The following AP3B1 variants were observed in gnomAD, a reference collection of about 807,000 sequenced individuals.
The protein encoded by AP3B1 is AP-3 complex subunit beta-1.
AP3B1 carries 61 observed loss-of-function variants against 132.5 expected under a neutral mutation model. The ratio of observed to expected loss-of-function variants is 0.46; its 90% CI spans 0.37 to 0.57. The LOEUF (loss-of-function observed/expected upper bound fraction) is 0.57. Among genes scored for constraint, AP3B1 ranks in the 20% least tolerant of loss-of-function variants. The pLI is 0.00. For missense variants in AP3B1, 1,120 were observed against 1,289.4 expected (o/e 0.87, Z 2.01); for synonymous variants, 388 against 438.3 (o/e 0.89, Z 1.43).
At chr5:78,031,904 C>CT (rs1747593832) in intron 24 of AP3B1, among the ~76,000 whole-genome samples, 1 of 152,166 alleles carries the variant, frequency 6.6e-6, no homozygotes, top group South Asian at 2.1e-4. Context: ...GCTCAGTTCT[C>CT]TAACTAGCAC....
chr5:78,034,264 TTG>T (rs1341657268), intron 24 of AP3B1, 95 bp downstream of exon 24: 1 of 914,628 alleles, frequency 1.1e-6, no homozygotes, highest in Non-Finnish European at 1.8e-6. Context: ...TTTAAATGTT[TTG>T]TCTTTCACAC....
intron 22 of AP3B1, among the ~76,000 whole-genome samples, chr5:78,066,476 C>A (rs924566597): frequency 2.5e-4 from 38 of 152,146 alleles, no homozygotes; most frequent in Non-Finnish European, 3.1e-4. Flanking sequence ...ATATAAATGA[C>A]CTGAAGGAAC....
chr5:78,088,474 T>C (rs908428697), intron 22 of AP3B1, among the ~76,000 whole-genome samples: 3 of 152,174 alleles, frequency 2.0e-5, no homozygotes, highest in South Asian at 4.1e-4. Context: ...ATAGCCCTGA[T>C]AGCATATTTG....
intron 23 of AP3B1, among the ~76,000 whole-genome samples, chr5:78,034,836 A>G (rs1747735284): frequency 1.3e-5 from 2 of 151,954 alleles, no homozygotes; most frequent in Admixed American, 1.3e-4. Context: ...ACTTAAAACT[A>G]TGGCATGTTT....
chr5:78,096,605 G>C (rs1750800331), intron 21 of AP3B1, among the ~76,000 whole-genome samples: 1 of 151,242 alleles, frequency 6.6e-6, no homozygotes, highest in South Asian at 2.1e-4. Context: ...GAGATGTGGG[G>C]AGCGCCTTTG....
chr5:78,255,035 T>A (rs1246766308), intron 2 of AP3B1, among the ~76,000 whole-genome samples: 3 of 152,188 alleles, frequency 2.0e-5, no homozygotes, highest in Middle Eastern at 6.8e-3. Context: ...CAGGTTAAAA[T>A]AATGGATTAT....
chr5:78,071,889 C>T (rs1421546564), intron 22 of AP3B1, among the ~76,000 whole-genome samples: 1 of 152,116 alleles, frequency 6.6e-6, no homozygotes, highest in Non-Finnish European at 1.5e-5. Context: ...AATTTTAGAG[C>T]TGGAAGGGAC....
intron 24 of AP3B1, among the ~76,000 whole-genome samples, chr5:78,030,763 A>T (rs1747542601): frequency 2.0e-5 from 3 of 152,110 alleles, no homozygotes; most frequent in African/African-American, 7.2e-5. Flanking sequence ...TGGAGCCTTG[A>T]ACTCCTGGGT....
At chr5:78,153,157 G>C (rs1241414215) in intron 14 of AP3B1, among the ~76,000 whole-genome samples, 1 of 152,122 alleles carries the variant, frequency 6.6e-6, no homozygotes, top group East Asian at 1.9e-4. Flanking sequence ...AGCTATTATT[G>C]TATTGAGGTC....
intron 17 of AP3B1, among the ~76,000 whole-genome samples, chr5:78,119,638 G>T (rs1292141352): frequency 1.3e-5 from 2 of 152,110 alleles, no homozygotes; most frequent in African/African-American, 4.8e-5. Context: ...GAAGTTTAGA[G>T]AAAAAAGAAC....
chr5:78,178,494 C>G (rs1744241641), intron 8 of AP3B1, among the ~76,000 whole-genome samples: 1 of 152,172 alleles, frequency 6.6e-6, no homozygotes, highest in East Asian at 1.9e-4. Context: ...TGGTGGTGCA[C>G]ACCTGTAATC....
chr5:78,233,237 C>CTA (rs539399713), intron 3 of AP3B1, among the ~76,000 whole-genome samples: 9 of 139,308 alleles, frequency 6.5e-5, no homozygotes, highest in Non-Finnish European at 1.4e-4. Context: ...TTTCTTTTTT[C>CTA]TTTTTTTTTT....
intron 1 of AP3B1, among the ~76,000 whole-genome samples, chr5:78,286,383 T>G (rs1227568721): frequency 6.6e-6 from 1 of 152,158 alleles, no homozygotes; most frequent in Non-Finnish European, 1.5e-5. Context: ...CCTTCATGAA[T>G]GAGATTAAGG....
chr5:78,218,159 T>C (rs939772487), intron 6 of AP3B1, among the ~76,000 whole-genome samples: 1 of 152,130 alleles, frequency 6.6e-6, no homozygotes, highest in African/African-American at 2.4e-5. Flanking sequence ...CATATAGTTT[T>C]AACAATCTGA....
At chr5:78,128,252 T>C in intron 16 of AP3B1, 92 bp from the exon 17 acceptor site, 2 of 1,167,036 alleles carry the variant, frequency 1.7e-6, no homozygotes, top group Non-Finnish European at 1.2e-6. Flanking sequence ...ATTGGCATAT[T>C]ACCTCAAATG....
chr5:78,193,770 A>ATATTTTTTTT, intron 7 of AP3B1, among the ~76,000 whole-genome samples: 33 of 67,206 alleles, frequency 4.9e-4, no homozygotes, highest in Non-Finnish European at 9.0e-4. Context: ...ATATATATAT[A>ATATTTTTTTT]TTTTTTTTTT....
chr5:78,017,601 T>C (rs1009320465), intron 25 of AP3B1, among the ~76,000 whole-genome samples: 2 of 152,104 alleles, frequency 1.3e-5, no homozygotes, highest in Non-Finnish European at 1.5e-5. Context: ...ACTCATAAGA[T>C]AGATGCATAA....
chr5:78,283,624 T>C (rs1749149947), intron 1 of AP3B1, among the ~76,000 whole-genome samples: 1 of 152,236 alleles, frequency 6.6e-6, no homozygotes, highest in African/African-American at 2.4e-5. Context: ...CCCAGGTAGC[T>C]GTCCTGAATA....
At chr5:78,167,609 G>A (rs1743693405) in intron 11 of AP3B1, among the ~76,000 whole-genome samples, 1 of 150,556 alleles carries the variant, frequency 6.6e-6, no homozygotes, top group African/African-American at 2.5e-5. Flanking sequence ...ATCAACATGT[G>A]GATAAAGAAC....
Sources: allele counts gnomAD v4.1 joint callset (sites outside exome capture counted in the v4.1 genomes callset), GRCh38; gene constraint gnomAD v4.1.1; transcripts MANE v1.5; gene names NCBI Gene and HGNC (gene_info 2026-07-23, HGNC 2026-07-21).